The following SLC44A5 variants were observed in gnomAD, a reference collection of about 807,000 sequenced individuals.
SLC44A5 encodes the protein choline transporter-like protein 5.
Under a neutral mutation model 101.8 loss-of-function variants are expected in SLC44A5, and 57 were observed. That is an observed-to-expected ratio of 0.56 (90% CI 0.45 to 0.70). SLC44A5 has a LOEUF of 0.70. Among genes scored for constraint, SLC44A5 ranks in the 30% least tolerant of loss-of-function variants. SLC44A5 has a pLI of 0.00. For synonymous variants in SLC44A5, 281 were observed against 290.9 expected, an observed-to-expected ratio of 0.97 and a Z score of 0.35; for missense variants, 737 against 853.1, an observed-to-expected ratio of 0.86 and a Z score of 1.70.
the SLC44A5 span, among the ~76,000 whole-genome samples, chr1:75,619,571 A>C: frequency 6.6e-6 from 1 of 152,092 alleles, no homozygotes; most frequent in Non-Finnish European, 1.5e-5. Flanking sequence ...CAAAAACACA[A>C]ACACAAAAAA....
chr1:75,562,104 A>G (rs1050083886), intron 1 of SLC44A5, among the ~76,000 whole-genome samples: 5 of 152,150 alleles, frequency 3.3e-5, no homozygotes, highest in Admixed American at 1.3e-4. Context: ...ACCTGAAATA[A>G]AAGTTAAAAA....
chr1:75,551,040 T>A (rs572642197), intron 1 of SLC44A5, among the ~76,000 whole-genome samples: 7 of 152,304 alleles, frequency 4.6e-5, no homozygotes, highest in African/African-American at 1.4e-4. Context: ...GCACAGTTCT[T>A]AACACACAGT....
At chr1:75,288,216 G>A (rs1284812031) in intron 5 of SLC44A5, among the ~76,000 whole-genome samples, 1 of 152,074 alleles carries the variant, frequency 6.6e-6, no homozygotes, top group Non-Finnish European at 1.5e-5. Context: ...TATGTGTTAA[G>A]CTTATAGCTA....
At chr1:75,576,964 T>C (rs773042477) in intron 1 of SLC44A5, among the ~76,000 whole-genome samples, 18 of 152,226 alleles carry the variant, frequency 1.2e-4, no homozygotes, top group Admixed American at 6.5e-5. Context: ...AAATCCAAAA[T>C]GTCCAAAACT....
chr1:75,348,800 T>G (rs1176008583), intron 3 of SLC44A5, among the ~76,000 whole-genome samples: 2 of 152,228 alleles, frequency 1.3e-5, no homozygotes, highest in Non-Finnish European at 2.9e-5. Flanking sequence ...ATAAAACAAC[T>G]ATGTTTACTG....
intron 2 of SLC44A5, among the ~76,000 whole-genome samples, chr1:75,524,200 C>A (rs1670295819): frequency 6.6e-6 from 1 of 152,098 alleles, no homozygotes. Context: ...GTGGCACTTC[C>A]CCCTTAGCTC....
chr1:75,348,758 T>C (rs747703767), intron 3 of SLC44A5, among the ~76,000 whole-genome samples: 1 of 152,080 alleles, frequency 6.6e-6, no homozygotes, highest in Non-Finnish European at 1.5e-5. Context: ...ATATATGAAG[T>C]CTTCAGATAT....
At chr1:75,580,811 C>T (rs934364835) in intron 1 of SLC44A5, among the ~76,000 whole-genome samples, 2 of 146,156 alleles carry the variant, frequency 1.4e-5, no homozygotes, top group African/African-American at 5.0e-5. Flanking sequence ...GCACTCCAGC[C>T]TGAGCAACAG....
chr1:75,573,104 A>G (rs1381462416), intron 1 of SLC44A5, among the ~76,000 whole-genome samples: 1 of 123,862 alleles, frequency 8.1e-6, no homozygotes, highest in Non-Finnish European at 1.6e-5. Flanking sequence ...GCCTGAGCTG[A>G]GCGACAGAGC....
chr1:75,400,117 G>C (rs1662382631), intron 2 of SLC44A5, among the ~76,000 whole-genome samples: 1 of 152,188 alleles, frequency 6.6e-6, no homozygotes, highest in Non-Finnish European at 1.5e-5. Flanking sequence ...TCACTTACAA[G>C]TGGGAGCTAA....
chr1:75,587,164 T>C (rs1674055434), intron 1 of SLC44A5, among the ~76,000 whole-genome samples: 1 of 151,792 alleles, frequency 6.6e-6, no homozygotes. Context: ...GACAACAAAA[T>C]GTTCGGCCTA....
At chr1:75,639,065 T>G in the SLC44A5 span, among the ~76,000 whole-genome samples, 2 of 151,758 alleles carry the variant, frequency 1.3e-5, no homozygotes, top group Non-Finnish European at 2.9e-5. Flanking sequence ...GGGAAGAGAG[T>G]TGGAAAGATG....
At chr1:75,601,704 T>A (rs1043924988) in intron 1 of SLC44A5, among the ~76,000 whole-genome samples, 15 of 152,030 alleles carry the variant, frequency 9.9e-5, no homozygotes, top group Admixed American at 7.9e-4. Flanking sequence ...AGGAAAAAAA[T>A]TTAGCATATC....
At chr1:75,479,340 A>T (rs1047766966) in intron 2 of SLC44A5, among the ~76,000 whole-genome samples, 3 of 152,236 alleles carry the variant, frequency 2.0e-5, no homozygotes, top group Admixed American at 6.5e-5. Flanking sequence ...CAATTAAAAG[A>T]ACTAGAAAAG....
In SLC44A5 at chr1:75,376,618, T is replaced by G. The variant is rs1246283754; in HGVS notation, c.52+19965A>C. Among the ~76,000 whole-genome samples the G allele has an allele frequency of 3.3e-5, 5 of 151,690 alleles. No homozygotes were observed. In the East Asian group the frequency reaches 7.9e-4, roughly 24 times the overall value. On this transcript the variant is annotated intron_variant, in intron 3 of 23. Transcript: ENST00000370859. ...ACTCCAACAGACCTGCAGCTGAGGG[T>G]CCTGTCTGTTAGAAGGAAAACTAAC...
intron 2 of SLC44A5, among the ~76,000 whole-genome samples, chr1:75,443,631 T>A (rs1432039906): frequency 6.6e-6 from 1 of 151,920 alleles, no homozygotes; most frequent in African/African-American, 2.4e-5. Flanking sequence ...AGGCAAGGTC[T>A]ACCAAAGTTG....
chr1:75,515,320 T>C (rs1669770131), intron 2 of SLC44A5, among the ~76,000 whole-genome samples: 1 of 152,168 alleles, frequency 6.6e-6, no homozygotes, highest in Non-Finnish European at 1.5e-5. Flanking sequence ...TTTTGAAATA[T>C]ACAATATTCT....
At chr1:75,488,301 G>T (rs1273754405) in intron 2 of SLC44A5, among the ~76,000 whole-genome samples, 1 of 152,158 alleles carries the variant, frequency 6.6e-6, no homozygotes, top group Non-Finnish European at 1.5e-5. Flanking sequence ...TACCAAAAAG[G>T]TTGGGGACCA....
At chr1:75,212,242 A>C (rs1646872843) in intron 22 of SLC44A5, among the ~76,000 whole-genome samples, 1 of 151,980 alleles carries the variant, frequency 6.6e-6, no homozygotes, top group Non-Finnish European at 1.5e-5. Context: ...TTGTCATATA[A>C]GTAAATTATG....
Sources: gnomAD v4.1 joint callset for allele counts (sites outside exome capture counted in the v4.1 genomes callset) on GRCh38, gnomAD v4.1.1 for gene constraint, MANE v1.5 for transcripts, NCBI Gene and HGNC (gene_info 2026-07-23, HGNC 2026-07-21) for gene names.